Variants in BCAS4 observed in about 807,000 individuals in gnomAD.
The protein encoded by BCAS4 is breast carcinoma amplified sequence 4, also known as breast carcinoma-amplified sequence 4.
In BCAS4, 9 loss-of-function variants were observed where a neutral mutation model predicts 15.7. The observed-to-expected ratio is 0.57, with a 90% CI of 0.34 to 1.00. The LOEUF (loss-of-function observed/expected upper bound fraction) is 1.00. Ranked by LOEUF, BCAS4 falls within the 50% of genes least tolerant of loss-of-function variation. The pLI is 0.02. For synonymous variants in BCAS4, 101 were observed against 99.5 expected (o/e 1.02, Z -0.09); for missense variants, 225 against 239.1 (o/e 0.94, Z 0.39).
intron 4 of BCAS4, among the ~76,000 whole-genome samples, chr20:50,867,787 G>T (rs751570660): frequency 3.3e-5 from 5 of 152,210 alleles, no homozygotes; most frequent in African/African-American, 9.6e-5. Context: ...GGTGGCGCAC[G>T]CGTGTAATCC....
At chr20:50,868,043 A>C (rs757493588) in intron 4 of BCAS4, among the ~76,000 whole-genome samples, 15 of 152,196 alleles carry the variant, frequency 9.9e-5, no homozygotes, top group Non-Finnish European at 1.8e-4. Context: ...GGTATTTTGA[A>C]CAATACCCTT....
intron 1 of BCAS4, among the ~76,000 whole-genome samples, chr20:50,808,011 G>A (rs1054888254): frequency 3.0e-4 from 45 of 150,478 alleles, no homozygotes; most frequent in Non-Finnish European, 1.5e-4. Flanking sequence ...GGGTTCACGC[G>A]ATTCTCCTGC....
At chr20:50,876,399 C>A in intron 4 of BCAS4, 87 bp from the exon 5 acceptor site, 1 of 1,541,818 alleles carries the variant, frequency 6.5e-7, no homozygotes, top group South Asian at 1.2e-5. Flanking sequence ...GTGAGTCCTG[C>A]AGGATGAACT....
intron 3 of BCAS4, among the ~76,000 whole-genome samples, chr20:50,834,211 T>C (rs559306798): frequency 3.7e-4 from 57 of 152,142 alleles, no homozygotes; most frequent in African/African-American, 1.3e-3. Context: ...TTGATTATTC[T>C]TTTTTTGATT....
intron 1 of BCAS4, among the ~76,000 whole-genome samples, chr20:50,798,066 C>A (rs184681544): frequency 2.0e-5 from 3 of 152,002 alleles, no homozygotes; most frequent in Admixed American, 2.0e-4. Context: ...GAGGCCAGGG[C>A]AGGCGGATCA....
chr20:50,852,272 C>T (rs549103715), intron 4 of BCAS4, among the ~76,000 whole-genome samples: 1 of 152,306 alleles, frequency 6.6e-6, no homozygotes, highest in South Asian at 2.1e-4. Flanking sequence ...TGCAGAGAGG[C>T]CAGGTTGGGG....
At chr20:50,802,898 T>C (rs2087944829) in intron 1 of BCAS4, among the ~76,000 whole-genome samples, 1 of 151,314 alleles carries the variant, frequency 6.6e-6, no homozygotes, top group Non-Finnish European at 1.5e-5. Flanking sequence ...ACAAAACACG[T>C]TGGCTGGCCA....
Position 50,809,550 on chromosome 20 carries a change from A to G in BCAS4, c.91-8661A>G, listed in dbSNP as rs150680209. 7.2e-4 allele frequency among the ~76,000 whole-genome samples: 110 copies of G among 151,764 alleles called. No homozygotes were observed. The East Asian group carries it at 0.02, about 28-fold the overall frequency. ...AAATCAGGTAATGTGATGCCTCCAG[A>G]TTTGTTCTTTTTGCTTAGTTTTGCT... On this transcript the variant is annotated intron_variant, in intron 1 of 4. Coordinates refer to ENST00000371608, the MANE Select transcript of BCAS4 (RefSeq NM_198799.4).
chr20:50,812,631 G>A (rs1167767317), intron 1 of BCAS4, among the ~76,000 whole-genome samples: 2 of 151,586 alleles, frequency 1.3e-5, no homozygotes, highest in African/African-American at 4.9e-5. Context: ...GTAGAGAGGG[G>A]GTTTCACCAT....
At chr20:50,866,003 G>A (rs1979338022) in intron 4 of BCAS4, among the ~76,000 whole-genome samples, 1 of 152,190 alleles carries the variant, frequency 6.6e-6, no homozygotes, top group East Asian at 1.9e-4. Flanking sequence ...CTAGGGGACA[G>A]GACCTGGGGG....
rs73127477 is a variant in BCAS4, at chr20:50,850,792, C to G, written c.399+8892C>G. The stretch of plus-strand genomic sequence containing the variant: ...TGCTGGTGTGTTTGAGTCTCCCCCC[C>G]GGTAGAGCACATAGTAGGTGTTCAA... On this transcript the variant is annotated intron_variant, in intron 4 of 4. Transcript: ENST00000371608. Among the ~76,000 whole-genome samples the G allele has an allele frequency of 6.0e-3, 912 of 152,276 alleles. 7 individuals carry two copies. The highest frequency in any genetic ancestry group is 0.011 in the Non-Finnish European group (718 of 68,024).
intron 2 of BCAS4, among the ~76,000 whole-genome samples, chr20:50,825,626 C>T (rs2088269849): frequency 6.6e-6 from 1 of 152,186 alleles, no homozygotes; most frequent in Admixed American, 6.5e-5. Context: ...CCTGTAATTC[C>T]AGCACTTTGG....
chr20:50,816,557 G>A (rs538216489), intron 1 of BCAS4, among the ~76,000 whole-genome samples: 2 of 152,322 alleles, frequency 1.3e-5, no homozygotes, highest in East Asian at 3.9e-4. Context: ...GGCAGCTAGT[G>A]GCCAGCAGCT....
intron 4 of BCAS4, among the ~76,000 whole-genome samples, chr20:50,858,901 AT>A (rs1249554050): frequency 2.0e-5 from 3 of 146,382 alleles, no homozygotes; most frequent in African/African-American, 7.9e-5. Context: ...TAACTTTTGT[AT>A]TTTTTGTAGA....
chr20:50,799,800 A>G (rs1020901405), intron 1 of BCAS4, among the ~76,000 whole-genome samples: 1 of 152,198 alleles, frequency 6.6e-6, no homozygotes, highest in Non-Finnish European at 1.5e-5. Flanking sequence ...TCACGCCTGT[A>G]ATCCTAGCAC....
chr20:50,852,104 C>G (rs541252309), intron 4 of BCAS4, among the ~76,000 whole-genome samples: 142 of 152,340 alleles, frequency 9.3e-4, no homozygotes, highest in African/African-American at 3.4e-3. Flanking sequence ...GTAACTGTCT[C>G]CATTCCGACT....
At chr20:50,815,573 G>A (rs1187624827) in intron 1 of BCAS4, among the ~76,000 whole-genome samples, 3 of 152,168 alleles carry the variant, frequency 2.0e-5, no homozygotes, top group Non-Finnish European at 4.4e-5. Context: ...TTGGGTGGGG[G>A]AATGATCTTT....
At chr20:50,799,804 C>T (rs1257032191) in intron 1 of BCAS4, among the ~76,000 whole-genome samples, 2 of 152,184 alleles carry the variant, frequency 1.3e-5, no homozygotes, top group Non-Finnish European at 2.9e-5. Context: ...GCCTGTAATC[C>T]TAGCACTTTG....
chr20:50,815,690 C>G (rs980492012), intron 1 of BCAS4, among the ~76,000 whole-genome samples: 5 of 152,226 alleles, frequency 3.3e-5, no homozygotes, highest in Non-Finnish European at 7.3e-5. Flanking sequence ...ACTATTTATA[C>G]TCCAGCCTGA....
Sources: allele counts gnomAD v4.1 joint callset (sites outside exome capture counted in the v4.1 genomes callset), GRCh38; gene constraint gnomAD v4.1.1; transcripts MANE v1.5; gene names NCBI Gene and HGNC (gene_info 2026-07-23, HGNC 2026-07-21).